Variants in OR2M3 observed in about 807,000 individuals in gnomAD.
OR2M3 encodes the protein olfactory receptor family 2 subfamily M member 3.
Under a neutral mutation model 4.3 loss-of-function variants are expected in OR2M3, and 1 was observed. The observed-to-expected ratio is 0.23, with a 90% CI of 0.08 to 1.11. The LOEUF (loss-of-function observed/expected upper bound fraction) is 1.11, where lower values mean the gene tolerates loss of function less well. OR2M3 is among the 50% of genes most tolerant of loss of function. OR2M3 has a pLI of 0.54. For synonymous variants in OR2M3, 151 were observed against 139.4 expected (o/e 1.08, Z -0.59); for missense variants, 410 against 390.4 (o/e 1.05, Z -0.42).
At position 248,203,128 on chromosome 1, in the gene OR2M3, A is replaced by C; in HGVS notation, c.61A>C (p.Ser21Arg). ...CATCCTCCTGGGAATCTTCAATCAC[A>C]GCCCCACCCACACCTTCCTCTTCTT... ...DFILLGIFNHSPTHTFLFFLV... is the reference protein window; with the variant it reads ...DFILLGIFNHRPTHTFLFFLV... The change falls in exon 2 of 2, where the codon AGC becomes CGC. Residue 21 changes from serine to arginine, a missense_variant. Coordinates refer to ENST00000641626, the MANE Select transcript of OR2M3 (RefSeq NM_001004689.2). 3 of 1,613,902 alleles carry C rather than the reference A, an allele frequency of 1.9e-6. No individual in the cohort carries two copies. Among genetic ancestry groups the C allele is most frequent in the Non-Finnish European group, 2.5e-6 (3 of 1,179,922 alleles).
In OR2M3 at chr1:248,197,286, A is replaced by C. The variant is rs1275531187; in HGVS notation, c.-34A>C. On this transcript the variant is annotated 5_prime_UTR_variant, in exon 1 of 2. Coordinates refer to ENST00000641626, the MANE Select transcript of OR2M3 (RefSeq NM_001004689.2). Reference sequence around the variant, plus strand: ...TCCAGGAAACCACAATCTCACTGAAAATATACACTATTCAGGTAAGTACTA... The same window carrying C: ...TCCAGGAAACCACAATCTCACTGAACATATACACTATTCAGGTAAGTACTA... 2 of 152,144 alleles carry C rather than the reference A, an allele frequency of 1.3e-5. No homozygotes were observed. Among genetic ancestry groups the C allele is most frequent in the African/African-American group, 4.8e-5 (2 of 41,430 alleles). 9.4% of individuals were successfully genotyped at this position (152,144 alleles called of 1,614,324 possible). A position where few individuals can be genotyped will look rare whatever the true frequency, so the allele number is the denominator to read the frequency against.
chr1:248,210,837 T>G lies in OR2M3; in HGVS notation c.*6831T>G, dbSNP rs895182042. ...CCCACCACACTTTGCTGATTCTCTTTTCGGACTCAGCCCACCTGCACCCAG... is the reference window on the plus strand; with the variant it reads ...CCCACCACACTTTGCTGATTCTCTTGTCGGACTCAGCCCACCTGCACCCAG... On this transcript the variant is annotated 3_prime_UTR_variant, in exon 2 of 2. Transcript: ENST00000641626. 1 of 152,278 alleles carries G rather than the reference T, an allele frequency of 6.6e-6. No individual in the cohort carries two copies. The highest frequency in any genetic ancestry group is 2.4e-5 in the African/African-American group (1 of 41,446). The allele number at this position is 152,278 out of a possible 1,614,324, so 9.4% of individuals were successfully genotyped here.
At chr1:248,201,912 C>G (rs1666161761) in intron 1 of OR2M3, among the ~76,000 whole-genome samples, 1 of 152,026 alleles carries the variant, frequency 6.6e-6, no homozygotes, top group African/African-American at 2.4e-5. Flanking sequence ...ACTGTGGTAG[C>G]CACAGTGGTC....
In OR2M3 at chr1:248,204,300, AG is replaced by A; in HGVS notation, c.*295del. 8.4e-6 allele frequency: 2 copies of A among 238,214 alleles called. No individual in the cohort carries two copies. The highest frequency in any genetic ancestry group is 6.9e-5 in the South Asian group (1 of 14,440). 14.8% of individuals were successfully genotyped at this position (238,214 alleles called of 1,614,324 possible). A position where few individuals can be genotyped will look rare whatever the true frequency, so the allele number is the denominator to read the frequency against. On this transcript the variant is annotated 3_prime_UTR_variant, in exon 2 of 2. Coordinates refer to ENST00000641626, the MANE Select transcript of OR2M3 (RefSeq NM_001004689.2). ...CAGGTAGTGTTTGGTTTTATGAATA[AG>A]TTCTTTAGTGATGATTTCTGAGATT...
intron 1 of OR2M3, among the ~76,000 whole-genome samples, chr1:248,201,040 C>G (rs781695410): frequency 1.3e-5 from 2 of 152,248 alleles, no homozygotes; most frequent in Non-Finnish European, 2.9e-5. Context: ...CACCAGGCTT[C>G]TTTTTCTGTT....
At position 248,203,406 on chromosome 1, in the gene OR2M3, T is replaced by A. The variant is rs994319987; in HGVS notation, c.339T>A (p.Phe113Leu). The A allele has an allele frequency of 9.3e-6, 15 of 1,613,986 alleles. No homozygotes were observed. Among genetic ancestry groups the A allele is most frequent in the African/African-American group, 1.3e-5 (1 of 74,906 alleles). Residue 113 changes from phenylalanine to leucine, a missense_variant, in exon 2 of 2, where the codon TTT (phenylalanine) becomes TTA (leucine). Physicochemically the swap from Phe to Leu is conservative, Grantham distance 22. Transcript: ENST00000641626. ...CATCACTGCTTGGCTCTGAGTGCTT[T>A]CTTTTGGCTGTTATGGCTTATGACC... The part of the protein sequence containing the change: ...FYTSLLGSEC[F>L]LLAVMAYDRY...
chr1:248,201,988 T>C (rs1460467221), intron 1 of OR2M3, among the ~76,000 whole-genome samples: 1 of 152,124 alleles, frequency 6.6e-6, no homozygotes, highest in East Asian at 1.9e-4. Flanking sequence ...TGAATTTCTG[T>C]TTTTGTATGT....
At chr1:248,199,290 A>C (rs1158508468) in intron 1 of OR2M3, among the ~76,000 whole-genome samples, 4 of 152,126 alleles carry the variant, frequency 2.6e-5, no homozygotes, top group Admixed American at 6.6e-5. Flanking sequence ...GAAAAAAATA[A>C]AATAAACAAG....
chr1:248,199,297 CAA>C (rs1424289114), intron 1 of OR2M3, among the ~76,000 whole-genome samples: 1 of 151,994 alleles, frequency 6.6e-6, no homozygotes. Context: ...ATAAAATAAA[CAA>C]GATGTCATAA....
rs1191894382 is a variant in OR2M3, at chr1:248,204,609, G to GTA, written c.*608_*609dup. ...CTGAGTAGTATTCCATGGTATGTGTGTATATAGATATATATATATATACGT... is the reference window on the plus strand; with the variant it reads ...CTGAGTAGTATTCCATGGTATGTGTGTATATATAGATATATATATATATACGT... On this transcript the variant is annotated 3_prime_UTR_variant, in exon 2 of 2. Transcript: ENST00000641626. 782 of 150,306 alleles carry GTA rather than the reference G, an allele frequency of 5.2e-3. 10 individuals are homozygous for GTA. Among genetic ancestry groups the GTA allele is most frequent in the African/African-American group, 0.018 (734 of 40,088 alleles). The allele number at this position is 150,306 out of a possible 1,614,324, so 9.3% of individuals were successfully genotyped here. A position where few individuals can be genotyped will look rare whatever the true frequency, so the allele number is the denominator to read the frequency against.
chr1:248,204,184 T>G lies in OR2M3; in HGVS notation c.*178T>G, dbSNP rs1429249129. 2.0e-6 allele frequency: 1 copy of G among 508,494 alleles called. No individual in the cohort carries two copies. Among genetic ancestry groups the G allele is most frequent in the East Asian group, 3.2e-5 (1 of 31,344 alleles). 31.5% of individuals were successfully genotyped at this position (508,494 alleles called of 1,614,324 possible). On this transcript the variant is annotated 3_prime_UTR_variant, in exon 2 of 2. Transcript: ENST00000641626. ...ATTATAACTATTTATTATTTTATATTCATTTCTGCTATGACCACAATGTAA... is the reference window on the plus strand; with the variant it reads ...ATTATAACTATTTATTATTTTATATGCATTTCTGCTATGACCACAATGTAA...
Position 248,206,902 on chromosome 1 carries a change from A to T in OR2M3, c.*2896A>T, listed in dbSNP as rs1227023608. On this transcript the variant is annotated 3_prime_UTR_variant, in exon 2 of 2. Coordinates refer to ENST00000641626, the MANE Select transcript of OR2M3 (RefSeq NM_001004689.2). ...TAGGATTGGTATTAATTCTTCTTTGAATGTCTGATAGAATTCAGCTGTGAA... is the reference window on the plus strand; with the variant it reads ...TAGGATTGGTATTAATTCTTCTTTGTATGTCTGATAGAATTCAGCTGTGAA... The T allele has an allele frequency of 6.6e-6, 1 of 151,996 alleles. No individual in the cohort carries two copies. Among genetic ancestry groups the T allele is most frequent in the East Asian group, 1.9e-4 (1 of 5,190 alleles). The allele number at this position is 151,996 out of a possible 1,614,324, so 9.4% of individuals were successfully genotyped here. A position where few individuals can be genotyped will look rare whatever the true frequency, so the allele number is the denominator to read the frequency against.
Position 248,208,754 on chromosome 1 carries a change from G to A in OR2M3, c.*4748G>A, listed in dbSNP as rs1193986494. 1.3e-5 allele frequency: 2 copies of A among 152,024 alleles called. No individual in the cohort carries two copies. Among genetic ancestry groups the A allele is most frequent in the Non-Finnish European group, 2.9e-5 (2 of 67,984 alleles). The allele number at this position is 152,024 out of a possible 1,614,324, so 9.4% of individuals were successfully genotyped here. On this transcript the variant is annotated 3_prime_UTR_variant, in exon 2 of 2. Coordinates refer to ENST00000641626, the MANE Select transcript of OR2M3 (RefSeq NM_001004689.2). ...AGGTTACCTGATGCTTTTCTCTCAC[G>A]GCTGACATTTTTTCCTTTGCCTTGA...
At position 248,204,061 on chromosome 1, in the gene OR2M3, C is replaced by T. The variant is rs1666197992; in HGVS notation, c.*55C>T. 1.3e-6 allele frequency: 2 copies of T among 1,560,472 alleles called. No homozygotes were observed. Among genetic ancestry groups the T allele is most frequent in the Admixed American group, 1.7e-5 (1 of 58,736 alleles). Reference sequence around the variant, plus strand: ...GTGCTAAATCCTTTTTTTAAATGGTCCTATTTTTCCATTAAGCCTTGAAAA... The same window carrying T: ...GTGCTAAATCCTTTTTTTAAATGGTTCTATTTTTCCATTAAGCCTTGAAAA... On this transcript the variant is annotated 3_prime_UTR_variant, in exon 2 of 2. Coordinates refer to ENST00000641626, the MANE Select transcript of OR2M3 (RefSeq NM_001004689.2).
At chr1:248,199,256 T>C (rs1666130693) in intron 1 of OR2M3, among the ~76,000 whole-genome samples, 1 of 152,226 alleles carries the variant, frequency 6.6e-6, no homozygotes, top group African/African-American at 2.4e-5. Context: ...ATGTGAATAC[T>C]TTTGATATGC....
rs1666287605 is a variant in OR2M3, at chr1:248,212,018, T to C, written c.*8012T>C. Reference sequence around the variant, plus strand: ...TGGAACAATGTAAAATCCTATAATATATTTCCAGTCTTTGAAGTCCTTTTA... The same window carrying C: ...TGGAACAATGTAAAATCCTATAATACATTTCCAGTCTTTGAAGTCCTTTTA... On this transcript the variant is annotated 3_prime_UTR_variant, in exon 2 of 2. Coordinates refer to ENST00000641626, the MANE Select transcript of OR2M3 (RefSeq NM_001004689.2). The C allele has an allele frequency of 6.6e-6, 1 of 152,212 alleles. No homozygotes were observed. The highest frequency in any genetic ancestry group is 1.5e-5 in the Non-Finnish European group (1 of 68,032). 9.4% of individuals were successfully genotyped at this position (152,212 alleles called of 1,614,324 possible).
rs1259609452 is a variant in OR2M3, at chr1:248,209,945, C to T, written c.*5939C>T. 1.3e-5 allele frequency: 2 copies of T among 152,206 alleles called. No homozygotes were observed. Among genetic ancestry groups the T allele is most frequent in the African/African-American group, 4.8e-5 (2 of 41,404 alleles). 9.4% of individuals were successfully genotyped at this position (152,206 alleles called of 1,614,324 possible). The stretch of plus-strand genomic sequence containing the variant: ...AGCTACCAAGGTGGATAGAGAAAGA[C>T]CACCAGGTCAGGGTAGGGATGGCTG... On this transcript the variant is annotated 3_prime_UTR_variant, in exon 2 of 2. Transcript: ENST00000641626.
Position 248,212,367 on chromosome 1 carries a change from T to C in OR2M3, c.*8361T>C, listed in dbSNP as rs1309219699. On this transcript the variant is annotated 3_prime_UTR_variant, in exon 2 of 2. Coordinates refer to ENST00000641626, the MANE Select transcript of OR2M3 (RefSeq NM_001004689.2). ...CAATTAAGCAAAATGCATAATTAAT[T>C]ATAGTTATCTTAAATCACTTGGCCA... 6.6e-6 allele frequency: 1 copy of C among 152,054 alleles called. No individual in the cohort carries two copies. The highest frequency in any genetic ancestry group is 1.5e-5 in the Non-Finnish European group (1 of 67,962). 9.4% of individuals were successfully genotyped at this position (152,054 alleles called of 1,614,324 possible).
At chr1:248,201,362 T>C (rs915644532) in intron 1 of OR2M3, among the ~76,000 whole-genome samples, 1 of 152,118 alleles carries the variant, frequency 6.6e-6, no homozygotes, top group African/African-American at 2.4e-5. Flanking sequence ...TTGACTACTC[T>C]ATTCAAAGTT....
Sources: gnomAD v4.1 joint callset for allele counts (sites outside exome capture counted in the v4.1 genomes callset) on GRCh38, gnomAD v4.1.1 for gene constraint, MANE v1.5 for transcripts, NCBI Gene and HGNC (gene_info 2026-07-23, HGNC 2026-07-21) for gene names.